Variants in TMEM168 observed in about 807,000 individuals in gnomAD.
TMEM168 encodes transmembrane protein 168.
Under a neutral mutation model 53.2 loss-of-function variants are expected in TMEM168, and 40 were observed. That is an observed-to-expected ratio of 0.75 (90% CI 0.58 to 0.98). The LOEUF (loss-of-function observed/expected upper bound fraction) is 0.98. Among genes scored for constraint, TMEM168 ranks in the 50% least tolerant of loss-of-function variants. The pLI is 0.00. For missense variants in TMEM168, 771 were observed against 828.8 expected (o/e 0.93, Z 0.86); for synonymous variants, 282 against 293.0 (o/e 0.96, Z 0.38).
Position 112,775,227 on chromosome 7 carries a change from A to AT in TMEM168, c.1219_1220insA (p.Leu407TyrfsTer20), listed in dbSNP as rs764484143. On this transcript the variant is annotated frameshift_variant, in exon 3 of 5. Transcript: ENST00000312814. LOFTEE classifies it high-confidence loss of function. ...AGCATATCCAACAGATGTTCCTCCT[A>AT]AACAGTTACCCAATTCATGGAAGAG... The AT allele has an allele frequency of 2.5e-6, 4 of 1,613,788 alleles. No individual in the cohort carries two copies. Among genetic ancestry groups the AT allele is most frequent in the Non-Finnish European group, 3.4e-6 (4 of 1,179,860 alleles).
intron 2 of TMEM168, among the ~76,000 whole-genome samples, chr7:112,779,418 T>G (rs905703189): frequency 2.0e-5 from 3 of 152,186 alleles, no homozygotes; most frequent in Admixed American, 1.3e-4. Flanking sequence ...GCTTGCCACT[T>G]TCAGAGAGCT....
chr7:112,787,513 C>T (rs150486252), intron 1 of TMEM168, among the ~76,000 whole-genome samples: 10 of 152,164 alleles, frequency 6.6e-5, no homozygotes, highest in Non-Finnish European at 1.5e-4. Context: ...CTATCGGGTT[C>T]AAGTGATTCT....
At position 112,767,099 on chromosome 7, in the gene TMEM168, G is replaced by T; in HGVS notation, c.*98C>A. 8.4e-7 allele frequency: 1 copy of T among 1,193,132 alleles called. No individual in the cohort carries two copies. Among genetic ancestry groups the T allele is most frequent in the Non-Finnish European group, 1.2e-6 (1 of 858,558 alleles). 73.9% of individuals were successfully genotyped at this position (1,193,132 alleles called of 1,614,324 possible). On this transcript the variant is annotated 3_prime_UTR_variant, in exon 5 of 5. Transcript: ENST00000312814. ...GTGAGAGCAGCTACAGAAGTAGCAA[G>T]GTATTTTCCACAAATAAAAATACAG...
rs2116189056 is a variant in TMEM168, at chr7:112,763,510, C to G, written c.*3687G>C. ...CCTCTGCCTAAAAAGAGGTGACAGT[C>G]TAATAGTTTCCAATACAGGAGACAT... On this transcript the variant is annotated 3_prime_UTR_variant, in exon 5 of 5. Transcript: ENST00000312814. The G allele has an allele frequency of 6.6e-6, 1 of 152,148 alleles. No individual in the cohort carries two copies. Among genetic ancestry groups the G allele is most frequent in the Non-Finnish European group, 1.5e-5 (1 of 67,972 alleles). The allele number at this position is 152,148 out of a possible 1,614,324, so 9.4% of individuals were successfully genotyped here.
rs1792734208 is a variant in TMEM168, at chr7:112,764,782, G to A, written c.*2415C>T. 1 of 148,650 alleles carries A rather than the reference G, an allele frequency of 6.7e-6. No individual in the cohort carries two copies. The highest frequency in any genetic ancestry group is 2.5e-5 in the African/African-American group (1 of 39,750). The allele number at this position is 148,650 out of a possible 1,614,324, so 9.2% of individuals were successfully genotyped here. On this transcript the variant is annotated 3_prime_UTR_variant, in exon 5 of 5. Coordinates refer to ENST00000312814, the MANE Select transcript of TMEM168 (RefSeq NM_022484.6). ...CAAAGTGCTGGGATTACAGGCATGAGCCACCATGCCTGGCTAAACATGTAC... is the reference window on the plus strand; with the variant it reads ...CAAAGTGCTGGGATTACAGGCATGAACCACCATGCCTGGCTAAACATGTAC...
chr7:112,781,018 T>G (rs556695744), intron 2 of TMEM168, among the ~76,000 whole-genome samples: 34 of 151,466 alleles, frequency 2.2e-4, no homozygotes, highest in African/African-American at 8.3e-4. Context: ...ATCTCTGTTT[T>G]AACTACTCAA....
intron 2 of TMEM168, among the ~76,000 whole-genome samples, chr7:112,777,510 T>C (rs947231763): frequency 1.3e-5 from 2 of 152,178 alleles, no homozygotes; most frequent in Non-Finnish European, 2.9e-5. Context: ...GAGACTCTTA[T>C]AAAATATGAG....
At chr7:112,771,356 A>T (rs1423422173) in intron 4 of TMEM168, among the ~76,000 whole-genome samples, 1 of 152,172 alleles carries the variant, frequency 6.6e-6, no homozygotes, top group Non-Finnish European at 1.5e-5. Flanking sequence ...TGGTTCTATC[A>T]CATAGTGGTA....
intron 2 of TMEM168, chr7:112,778,186 C>T (rs943761825): frequency 6.6e-6 from 1 of 152,160 alleles, no homozygotes; most frequent in African/African-American, 2.4e-5. Flanking sequence ...CCACCCTCTT[C>T]TTTCAGTGTG....
chr7:112,769,754 T>G (rs1412929204), intron 4 of TMEM168, among the ~76,000 whole-genome samples: 1 of 152,170 alleles, frequency 6.6e-6, no homozygotes. Flanking sequence ...ATAAACTGCT[T>G]TATAAATTAT....
intron 2 of TMEM168, among the ~76,000 whole-genome samples, chr7:112,782,275 C>G (rs1345223395): frequency 6.6e-6 from 1 of 152,136 alleles, no homozygotes; most frequent in Non-Finnish European, 1.5e-5. Flanking sequence ...TGCTGACAGA[C>G]TCCTTGGAAA....
intron 4 of TMEM168, among the ~76,000 whole-genome samples, chr7:112,771,327 C>A (rs1792926159): frequency 6.6e-6 from 1 of 152,066 alleles, no homozygotes; most frequent in South Asian, 2.1e-4. Flanking sequence ...AGGAATCAGG[C>A]AGATCTGGTC....
Position 112,775,610 on chromosome 7 carries a change from A to C in TMEM168, c.1129-292T>G, listed in dbSNP as rs560194270. ...ATCCTATCCAGACGAGAAAAAAAAA[A>C]AAAACAAAACAAACCAAAACCACTC... On this transcript the variant is annotated intron_variant, in intron 2 of 4. Coordinates refer to ENST00000312814, the MANE Select transcript of TMEM168 (RefSeq NM_022484.6). 5.3e-4 allele frequency among the ~76,000 whole-genome samples: 80 copies of C among 151,910 alleles called. 1 individual carries two copies. Among genetic ancestry groups the C allele is most frequent in the Middle Eastern group, 3.4e-3 (1 of 294 alleles).
At position 112,784,894 on chromosome 7, in the gene TMEM168, CA is replaced by C. The variant is rs1232050689; in HGVS notation, c.-70del. 9 of 1,392,014 alleles carry C rather than the reference CA, an allele frequency of 6.5e-6. No homozygotes were observed. The highest frequency in any genetic ancestry group is 4.1e-4 in the Middle Eastern group (2 of 4,834). 86.2% of individuals were successfully genotyped at this position (1,392,014 alleles called of 1,614,324 possible). On this transcript the variant is annotated 5_prime_UTR_variant, in exon 2 of 5. The change creates a new upstream start codon in the 5' untranslated region. Transcript: ENST00000312814. ...CCGCTTGTATTTCATCCAGTATATC[CA>C]ATGTATCCGCAACTCCTATTTCAAC...
At position 112,763,101 on chromosome 7, in the gene TMEM168, A is replaced by C. The variant is rs2116187172; in HGVS notation, c.*4096T>G. 6.6e-6 allele frequency: 1 copy of C among 152,208 alleles called. No homozygotes were observed. The highest frequency in any genetic ancestry group is 2.4e-5 in the African/African-American group (1 of 41,564). 9.4% of individuals were successfully genotyped at this position (152,208 alleles called of 1,614,324 possible). A position where few individuals can be genotyped will look rare whatever the true frequency, so the allele number is the denominator to read the frequency against. On this transcript the variant is annotated 3_prime_UTR_variant, in exon 5 of 5. Coordinates refer to ENST00000312814, the MANE Select transcript of TMEM168 (RefSeq NM_022484.6). ...AAATGAATGATTCAATCTTAATGAT[A>C]TTAGAGTCATGATGGAAATGGACTC...
rs551181447 is a variant in TMEM168 at position 112,785,257 on chromosome 7, G to T, written c.-128-304C>A. 3.9e-3 allele frequency among the ~76,000 whole-genome samples: 587 copies of T among 152,288 alleles called. 2 individuals carry two copies. Among genetic ancestry groups the T allele is most frequent in the African/African-American group, 0.013 (538 of 41,568 alleles). On this transcript the variant is annotated intron_variant, in intron 1 of 4. Coordinates refer to ENST00000312814, the MANE Select transcript of TMEM168 (RefSeq NM_022484.6). ...AAATATCTGGTTTTTCAACAACAAG[G>T]AAAGGTGAAATGTTCGCTTTAGCTT...
chr7:112,775,494 T>G (rs1254683327), intron 2 of TMEM168, among the ~76,000 whole-genome samples, 176 bp from the exon 3 acceptor site: 1 of 152,066 alleles, frequency 6.6e-6, no homozygotes, highest in East Asian at 1.9e-4. Context: ...ATGAGCTAAC[T>G]AGTGCAATAA....
At chr7:112,774,255 T>G (rs535608548) in intron 3 of TMEM168, among the ~76,000 whole-genome samples, 2 of 152,136 alleles carry the variant, frequency 1.3e-5, no homozygotes, top group Non-Finnish European at 2.9e-5. Flanking sequence ...TGGGTAAAAG[T>G]TATTTTGGAA....
At chr7:112,782,839 C>G (rs1385864160) in intron 2 of TMEM168, among the ~76,000 whole-genome samples, 1 of 152,202 alleles carries the variant, frequency 6.6e-6, no homozygotes, top group Non-Finnish European at 1.5e-5. Flanking sequence ...GCTGACTTTC[C>G]TTTATGCCCC....
Sources: gnomAD v4.1 joint callset for allele counts (sites outside exome capture counted in the v4.1 genomes callset) on GRCh38, gnomAD v4.1.1 for gene constraint, MANE v1.5 for transcripts, NCBI Gene and HGNC (gene_info 2026-07-23, HGNC 2026-07-21) for gene names.